The following KIR2DL4 variants were observed in gnomAD, a reference collection of about 807,000 sequenced individuals.
KIR2DL4 encodes killer cell immunoglobulin like receptor, two Ig domains and long cytoplasmic tail 4.
KIR2DL4 carries 41 observed loss-of-function variants against 31.0 expected under a neutral mutation model. The ratio of observed to expected loss-of-function variants is 1.32; its 90% CI spans 1.03 to 1.72. The LOEUF is 1.72. Ranked by LOEUF, KIR2DL4 falls within the 40% of genes most tolerant of loss-of-function variation. The pLI is 0.00. For synonymous variants in KIR2DL4, 164 were observed against 133.6 expected (o/e 1.23, Z -1.57); for missense variants, 438 against 353.7 (o/e 1.24, Z -1.91).
chr19:54,811,198 G>A (rs2060846590), intron 5 of KIR2DL4, among the ~76,000 whole-genome samples: 2 of 151,062 alleles, frequency 1.3e-5, no homozygotes, highest in South Asian at 4.3e-4. Context: ...AGGAGTTCGA[G>A]ATCAGCCTGG....
chr19:54,814,270 C>G lies in KIR2DL4; in HGVS notation c.*470C>G, dbSNP rs1285324473. On this transcript the variant is annotated 3_prime_UTR_variant, in exon 8 of 8. Coordinates refer to ENST00000359085, the Ensembl canonical transcript of KIR2DL4. ...CTCTATTTCACTTGACCCCTGCCCA[C>G]CTCTCCAACCTAACTGGCTTACTTC... 1.8e-5 allele frequency: 14 copies of G among 780,422 alleles called. No homozygotes were observed. The South Asian group carries it at 2.3e-4, about 13-fold the overall frequency. 48.3% of individuals were successfully genotyped at this position (780,422 alleles called of 1,614,324 possible). A position where few individuals can be genotyped will look rare whatever the true frequency, so the allele number is the denominator to read the frequency against.
chr19:54,812,716 T>G (rs571426631), intron 5 of KIR2DL4, among the ~76,000 whole-genome samples: 11 of 148,176 alleles, frequency 7.4e-5, no homozygotes, highest in African/African-American at 2.8e-4. Flanking sequence ...AAAGGGGGTG[T>G]GATGGAGCTT....
chr19:54,812,579 C>A (rs1270939232), intron 5 of KIR2DL4, among the ~76,000 whole-genome samples: 1 of 149,652 alleles, frequency 6.7e-6, no homozygotes, highest in African/African-American at 2.5e-5. Flanking sequence ...CTGATCTGCA[C>A]GCTGTACTAG....
intron 4 of KIR2DL4, among the ~76,000 whole-genome samples, chr19:54,807,980 T>A (rs1205521671): frequency 6.6e-6 from 1 of 151,384 alleles, no homozygotes; most frequent in African/African-American, 2.4e-5. Flanking sequence ...TGTATATATG[T>A]TCATTTGTAT....
chr19:54,804,358 T>A (rs2060366585), intron 2 of KIR2DL4, among the ~76,000 whole-genome samples: 1 of 151,252 alleles, frequency 6.6e-6, no homozygotes, highest in Non-Finnish European at 1.5e-5. Context: ...CCCTCCAGCG[T>A]TTCCATGACG....
chr19:54,805,025 C>T, exon 3 of KIR2DL4: 1 of 1,611,226 alleles, frequency 6.2e-7, no homozygotes, highest in Non-Finnish European at 8.5e-7. Context: ...TTCACCCGCA[C>T]TCCCCCACTG....
chr19:54,813,859 C>A, exon 8 of KIR2DL4: 1 of 1,612,446 alleles, frequency 6.2e-7, no homozygotes, highest in Non-Finnish European at 8.5e-7. Flanking sequence ...ATGAACAAGA[C>A]CCTCAGGAGG....
At chr19:54,813,978 C>T in exon 8 of KIR2DL4, 1 of 1,612,452 alleles carries the variant, frequency 6.2e-7, no homozygotes, top group Non-Finnish European at 8.5e-7. Flanking sequence ...ATAGAACTTC[C>T]AAATGCTGAG....
At chr19:54,803,999 G>A in intron 2 of KIR2DL4, 73 bp downstream of exon 2, 2 of 1,375,148 alleles carry the variant, frequency 1.5e-6, no homozygotes, top group African/African-American at 3.0e-5. Flanking sequence ...ATGGGAGGGA[G>A]GCAGCACAGA....
At chr19:54,805,031 C>G (rs926097854) in exon 3 of KIR2DL4, 3 of 1,611,068 alleles carry the variant, frequency 1.9e-6, no homozygotes, top group Non-Finnish European at 2.5e-6. Context: ...CGCACTCCCC[C>G]ACTGAGTGGT....
At chr19:54,814,152 C>G in exon 8 of KIR2DL4, 2 of 1,598,206 alleles carry the variant, frequency 1.3e-6, no homozygotes, top group Admixed American at 1.7e-5. Flanking sequence ...CTTCCTCACA[C>G]CACAAATCTG....
At chr19:54,804,174 T>C (rs1305951929) in intron 2 of KIR2DL4, among the ~76,000 whole-genome samples, 1 of 138,222 alleles carries the variant, frequency 7.2e-6, no homozygotes, top group Non-Finnish European at 1.6e-5. Context: ...TGTTTTGTCT[T>C]AGCCCTCCCC....
At chr19:54,810,327 CA>C (rs1359319525) in intron 5 of KIR2DL4, among the ~76,000 whole-genome samples, 1 of 150,858 alleles carries the variant, frequency 6.6e-6, no homozygotes, top group Non-Finnish European at 1.5e-5. Flanking sequence ...AAGGTTTTAC[CA>C]TGTTGCCCAG....
chr19:54,805,834 GA>G, intron 3 of KIR2DL4, 116 bp from the exon 4 acceptor site: 1 of 416,366 alleles, frequency 2.4e-6, no homozygotes, highest in Non-Finnish European at 3.4e-6. Flanking sequence ...GGTGGAGGGT[GA>G]GAGAGAGAGA....
chr19:54,810,611 G>A (rs1311074874), intron 5 of KIR2DL4, among the ~76,000 whole-genome samples: 2 of 151,472 alleles, frequency 1.3e-5, no homozygotes, highest in Non-Finnish European at 2.9e-5. Context: ...ATGTTATGTG[G>A]AAGGAAGAGG....
At chr19:54,807,595 G>A (rs2060604266) in intron 4 of KIR2DL4, among the ~76,000 whole-genome samples, 1 of 148,960 alleles carries the variant, frequency 6.7e-6, no homozygotes, top group Admixed American at 6.7e-5. Flanking sequence ...CCGCCACCAC[G>A]CCTGGCTGAT....
chr19:54,814,254 A>G lies in KIR2DL4; in HGVS notation c.*454A>G, dbSNP rs1483825543. On this transcript the variant is annotated 3_prime_UTR_variant, in exon 8 of 8. Coordinates refer to ENST00000359085, the Ensembl canonical transcript of KIR2DL4. ...TGCTTAGCCCACAATTCTCTATTTC[A>G]CTTGACCCCTGCCCACCTCTCCAAC... 6.2e-6 allele frequency: 6 copies of G among 965,712 alleles called. 2 individuals carry two copies. The African/African-American group carries it at 1.0e-4, about 16-fold the overall frequency. The allele number at this position is 965,712 out of a possible 1,614,324, so 59.8% of individuals were successfully genotyped here.
chr19:54,804,910 A>G (rs1393017315), exon 3 of KIR2DL4: 3 of 1,612,202 alleles, frequency 1.9e-6, no homozygotes, highest in Non-Finnish European at 2.5e-6. Flanking sequence ...CTGTACAAGA[A>G]AGATGGGGTC....
chr19:54,804,024 G>T lies in KIR2DL4; in HGVS notation c.76+98G>T, dbSNP rs561029274. 118 of 1,082,304 alleles carry T rather than the reference G, an allele frequency of 1.1e-4. 9 individuals carry two copies. The South Asian group carries it at 1.5e-3, about 14-fold the overall frequency. 67.0% of individuals were successfully genotyped at this position (1,082,304 alleles called of 1,614,324 possible). A position where few individuals can be genotyped will look rare whatever the true frequency, so the allele number is the denominator to read the frequency against. ...GGCAGCACAGAGGGTGGGCTGATGG[G>T]CTGACCATGGGAAGGCCTGGGGGGA... On this transcript the variant is annotated intron_variant, in intron 2 of 7. Coordinates refer to ENST00000359085, the Ensembl canonical transcript of KIR2DL4.
Sources: gnomAD v4.1 joint callset for allele counts (sites outside exome capture counted in the v4.1 genomes callset) on GRCh38, gnomAD v4.1.1 for gene constraint, MANE v1.5 for transcripts, NCBI Gene and HGNC (gene_info 2026-07-23, HGNC 2026-07-21) for gene names.